Variants in BMPR1B observed in about 807,000 individuals in gnomAD.
BMPR1B encodes the protein bone morphogenetic protein receptor type-1B.
In BMPR1B, 12 loss-of-function variants were observed where a neutral mutation model predicts 59.1. The observed-to-expected ratio is 0.20, with a 90% CI of 0.13 to 0.33. BMPR1B has a LOEUF of 0.33. BMPR1B is among the 10% of genes least tolerant of loss of function. BMPR1B has a pLI of 1.00. For synonymous variants in BMPR1B, 237 were observed against 207.3 expected, an observed-to-expected ratio of 1.14 and a Z score of -1.23; for missense variants, 550 against 610.9, an observed-to-expected ratio of 0.90 and a Z score of 1.05.
At chr4:95,102,978 A>G (rs549217020) in intron 3 of BMPR1B, among the ~76,000 whole-genome samples, 69 of 152,168 alleles carry the variant, frequency 4.5e-4, no homozygotes, top group East Asian at 7.7e-4. Context: ...GCATACGACA[A>G]TCTTCTCATA....
rs531735177 is a variant in BMPR1B at position 94,937,229 on chromosome 4, A to G, written c.-112-58811A>G. On this transcript the variant is annotated intron_variant, in intron 2 of 12. Transcript: ENST00000515059. ...TTCCTACCTCTTCTCTTGATTGGGA[A>G]TTTTTTATCCTTCACGATTCTATTT... Among the ~76,000 whole-genome samples, 21 of 151,976 alleles carry G rather than the reference A, an allele frequency of 1.4e-4. No homozygotes were observed. In the South Asian group the frequency reaches 4.0e-3, roughly 29 times the overall value.
intron 1 of BMPR1B, among the ~76,000 whole-genome samples, chr4:94,780,970 G>A (rs1004414243): frequency 1.3e-5 from 2 of 152,104 alleles, no homozygotes; most frequent in Non-Finnish European, 2.9e-5. Context: ...TTACAGGTGT[G>A]AGTCACCGCA....
At chr4:94,859,979 C>A (rs1005254800) in intron 1 of BMPR1B, among the ~76,000 whole-genome samples, 1 of 152,260 alleles carries the variant, frequency 6.6e-6, no homozygotes, top group South Asian at 2.1e-4. Context: ...TGCAGATTTT[C>A]ATCAGTGACT....
At chr4:94,893,266 A>G (rs1162269006) in intron 2 of BMPR1B, among the ~76,000 whole-genome samples, 3 of 152,020 alleles carry the variant, frequency 2.0e-5, no homozygotes, top group Non-Finnish European at 2.9e-5. Context: ...CAAACCTAAC[A>G]TTCTCCTTTG....
intron 3 of BMPR1B, among the ~76,000 whole-genome samples, chr4:95,074,474 G>C (rs571381805): frequency 1.3e-5 from 2 of 152,180 alleles, no homozygotes; most frequent in East Asian, 3.9e-4. Flanking sequence ...CACAGGAATA[G>C]TTAACGAATC....
chr4:94,830,645 C>A (rs946624005), intron 1 of BMPR1B, among the ~76,000 whole-genome samples: 2 of 152,060 alleles, frequency 1.3e-5, no homozygotes, highest in African/African-American at 2.4e-5. Context: ...ATAAAATAAT[C>A]ATGTATTACT....
chr4:94,761,403 C>G (rs931315768), intron 1 of BMPR1B, among the ~76,000 whole-genome samples: 1 of 143,630 alleles, frequency 7.0e-6, no homozygotes, highest in Admixed American at 7.3e-5. Context: ...TTACATTTTC[C>G]GCTGTATAAT....
At chr4:95,037,404 A>G (rs911848751) in intron 3 of BMPR1B, among the ~76,000 whole-genome samples, 8 of 152,196 alleles carry the variant, frequency 5.3e-5, no homozygotes, top group Non-Finnish European at 1.0e-4. Flanking sequence ...ACTAGGGAAC[A>G]TGTTTGAGAA....
chr4:95,029,797 G>C (rs958897649), intron 3 of BMPR1B, among the ~76,000 whole-genome samples: 2 of 152,120 alleles, frequency 1.3e-5, no homozygotes, highest in South Asian at 4.1e-4. Flanking sequence ...ACTTTTTAAT[G>C]ATTGCCATTC....
chr4:95,040,534 T>A (rs923643182), intron 3 of BMPR1B, among the ~76,000 whole-genome samples: 2 of 152,202 alleles, frequency 1.3e-5, no homozygotes, highest in Non-Finnish European at 2.9e-5. Context: ...AATAGAGATT[T>A]TGATTTTCTG....
rs141697074 is a variant in BMPR1B, at chr4:94,864,050, A to G, written c.-182-11781A>G. ...ATGAATTTTAAATTGTTCCTTTATT[A>G]TACATTTTAGCTGATGTACTATTAT... On this transcript the variant is annotated intron_variant, in intron 1 of 12. Transcript: ENST00000515059. Among the ~76,000 whole-genome samples, 536 of 152,342 alleles carry G rather than the reference A, an allele frequency of 3.5e-3. 3 individuals carry two copies. Among genetic ancestry groups the G allele is most frequent in the African/African-American group, 7.6e-3 (317 of 41,576 alleles).
intron 2 of BMPR1B, among the ~76,000 whole-genome samples, chr4:94,918,752 A>AT (rs141092038): frequency 0.011 from 1,646 of 151,470 alleles, 22 homozygotes; most frequent in African/African-American, 0.038. Flanking sequence ...TGAGTAAGCT[A>AT]TTTTTGGTTA....
intron 1 of BMPR1B, among the ~76,000 whole-genome samples, chr4:94,864,547 A>T (rs6851705): frequency 0.069 from 10,501 of 152,196 alleles, 930 homozygotes; most frequent in African/African-American, 0.21. Context: ...TGTATTTTTT[A>T]ATGAATAGAT....
intron 1 of BMPR1B, among the ~76,000 whole-genome samples, chr4:94,837,581 A>G (rs1233704811): frequency 7.0e-6 from 1 of 143,104 alleles, no homozygotes; most frequent in East Asian, 1.9e-4. Flanking sequence ...GTGTATAAGA[A>G]TGCTTGTGAT....
chr4:95,044,492 A>C (rs1044203297), intron 3 of BMPR1B, among the ~76,000 whole-genome samples: 15 of 152,232 alleles, frequency 9.9e-5, no homozygotes, highest in African/African-American at 3.6e-4. Context: ...AAGCAGATCA[A>C]CAGTGACAGT....
chr4:95,042,143 A>G (rs1341959227), intron 3 of BMPR1B, among the ~76,000 whole-genome samples: 1 of 152,244 alleles, frequency 6.6e-6, no homozygotes, highest in Non-Finnish European at 1.5e-5. Flanking sequence ...GGCGTGAGCC[A>G]CCATGCCCAG....
intron 3 of BMPR1B, among the ~76,000 whole-genome samples, chr4:95,051,072 AT>A (rs1284758999): frequency 6.6e-6 from 1 of 152,124 alleles, no homozygotes; most frequent in East Asian, 1.9e-4. Context: ...TTCATTAGAG[AT>A]TTCTTTTATA....
intron 3 of BMPR1B, among the ~76,000 whole-genome samples, chr4:95,002,305 C>G (rs948176751): frequency 3.3e-5 from 5 of 152,110 alleles, no homozygotes; most frequent in African/African-American, 1.2e-4. Context: ...TTGCTGCAAA[C>G]GATGATTTCA....
intron 3 of BMPR1B, among the ~76,000 whole-genome samples, chr4:95,062,967 T>C (rs1404038502): frequency 6.6e-6 from 1 of 152,166 alleles, no homozygotes; most frequent in African/African-American, 2.4e-5. Flanking sequence ...ATTTGCTACT[T>C]AAGGGCTTTT....
Sources: allele counts gnomAD v4.1 joint callset (sites outside exome capture counted in the v4.1 genomes callset), GRCh38; gene constraint gnomAD v4.1.1; transcripts MANE v1.5; gene names NCBI Gene and HGNC (gene_info 2026-07-23, HGNC 2026-07-21).